TMEM11: variants seen among roughly 807,000 people sequenced by gnomAD.
TMEM11 encodes transmembrane protein 11.
In TMEM11, 1 loss-of-function variant was observed where a neutral mutation model predicts 17.0. That is an observed-to-expected ratio of 0.06 (90% CI 0.02 to 0.28). The LOEUF is 0.28. Among genes scored for constraint, TMEM11 ranks in the 10% least tolerant of loss-of-function variants. TMEM11 has a pLI of 1.00. For missense variants in TMEM11, 172 were observed against 252.9 expected, an observed-to-expected ratio of 0.68 and a Z score of 2.17; for synonymous variants, 122 against 118.1, an observed-to-expected ratio of 1.03 and a Z score of -0.21.
chr17:21,199,102 T>C (rs997351246), intron 1 of TMEM11, among the ~76,000 whole-genome samples: 2 of 151,836 alleles, frequency 1.3e-5, no homozygotes, highest in Admixed American at 6.6e-5. Flanking sequence ...GGGCGGATCA[T>C]GAGGTCAGGA....
At chr17:21,203,049 A>G (rs141868886) in intron 1 of TMEM11, among the ~76,000 whole-genome samples, 3 of 152,356 alleles carry the variant, frequency 2.0e-5, no homozygotes, top group Non-Finnish European at 4.4e-5. Flanking sequence ...GGTCCTGCAC[A>G]ACGGCGCTGA....
chr17:21,201,389 G>A (rs542942147), intron 1 of TMEM11, among the ~76,000 whole-genome samples: 1 of 152,360 alleles, frequency 6.6e-6, no homozygotes, highest in Non-Finnish European at 1.5e-5. Flanking sequence ...TCAGTGCCCT[G>A]AGGGTGGGAC....
At chr17:21,205,795 T>C (rs922449569) in intron 1 of TMEM11, among the ~76,000 whole-genome samples, 1 of 151,936 alleles carries the variant, frequency 6.6e-6, no homozygotes, top group African/African-American at 2.4e-5. Flanking sequence ...AGTTGGATCA[T>C]ATATAGTATA....
chr17:21,199,474 C>T (rs567737505), intron 1 of TMEM11, among the ~76,000 whole-genome samples: 3 of 152,206 alleles, frequency 2.0e-5, no homozygotes, highest in East Asian at 1.9e-4. Context: ...AAGAACGATT[C>T]GGCACAGAAT....
chr17:21,204,439 A>T (rs1272332673), intron 1 of TMEM11, among the ~76,000 whole-genome samples: 1 of 74,904 alleles, frequency 1.3e-5, no homozygotes, highest in African/African-American at 4.1e-5. Context: ...TCTCAATAAA[A>T]AAAAAAAAAA....
At chr17:21,212,141 G>A (rs1204008626) in intron 1 of TMEM11, among the ~76,000 whole-genome samples, 2 of 152,180 alleles carry the variant, frequency 1.3e-5, no homozygotes, top group Non-Finnish European at 2.9e-5. Context: ...CTGGCTAGGG[G>A]TTTACAGCAA....
chr17:21,212,800 A>T (rs1209853175), intron 1 of TMEM11, among the ~76,000 whole-genome samples: 1 of 152,210 alleles, frequency 6.6e-6, no homozygotes, highest in Non-Finnish European at 1.5e-5. Flanking sequence ...TGCATTGAAT[A>T]TCTTGAAAAT....
At chr17:21,211,391 G>A (rs938914954) in intron 1 of TMEM11, among the ~76,000 whole-genome samples, 7 of 152,230 alleles carry the variant, frequency 4.6e-5, no homozygotes, top group Non-Finnish European at 1.0e-4. Context: ...CCACAGGCCG[G>A]AAGTGGCTAT....
At chr17:21,205,459 G>A (rs1332374169) in intron 1 of TMEM11, among the ~76,000 whole-genome samples, 1 of 152,178 alleles carries the variant, frequency 6.6e-6, no homozygotes, top group Admixed American at 6.5e-5. Flanking sequence ...TCCGCTGCAG[G>A]AGGAGGCAGG....
chr17:21,209,732 G>GT (rs1567637361), intron 1 of TMEM11, among the ~76,000 whole-genome samples: 1 of 152,182 alleles, frequency 6.6e-6, no homozygotes, highest in Admixed American at 6.5e-5. Context: ...TCATACCACT[G>GT]CACTCCAGCC....
chr17:21,210,842 C>A lies in TMEM11; in HGVS notation c.62+3249G>T, dbSNP rs1053417239. On this transcript the variant is annotated intron_variant, in intron 1 of 1. Coordinates refer to ENST00000317635, the MANE Select transcript of TMEM11 (RefSeq NM_003876.3). ...CCCCGTGCATCTGGCCCTCTGCACA[C>A]CCCAGGTTGCCTCATATCATGCTCA... The A allele has an allele frequency of 1.8e-5, 21 of 1,174,792 alleles. No individual in the cohort carries two copies. In the African/African-American group the frequency reaches 3.0e-4, roughly 17 times the overall value. The allele number at this position is 1,174,792 out of a possible 1,614,324, so 72.8% of individuals were successfully genotyped here. A position where few individuals can be genotyped will look rare whatever the true frequency, so the allele number is the denominator to read the frequency against.
chr17:21,202,639 T>C (rs921226891), intron 1 of TMEM11, among the ~76,000 whole-genome samples: 5 of 148,470 alleles, frequency 3.4e-5, no homozygotes, highest in Admixed American at 3.3e-4. Flanking sequence ...CATCGCTTGC[T>C]GGGACGGATG....
At chr17:21,209,428 T>C (rs1974978710) in intron 1 of TMEM11, among the ~76,000 whole-genome samples, 1 of 152,118 alleles carries the variant, frequency 6.6e-6, no homozygotes. Context: ...CTAAGACACA[T>C]GTGGCTGTTG....
chr17:21,211,130 C>T (rs1200516985), intron 1 of TMEM11: 1 of 1,289,736 alleles, frequency 7.8e-7, no homozygotes, highest in Non-Finnish European at 1.0e-6. Context: ...AAGTGGCAAT[C>T]TGTTTGATGT....
chr17:21,202,481 CAG>C lies in TMEM11; in HGVS notation c.63-3643_63-3642del, dbSNP rs1195289867. On this transcript the variant is annotated intron_variant, in intron 1 of 1. Transcript: ENST00000317635. Reference sequence around the variant, plus strand: ...GTAGTGAAAACCACTGTTGGTCCCACAGAGGAAATTCCAGTGGAAACCCCGGT... The same window carrying C: ...GTAGTGAAAACCACTGTTGGTCCCACAGGAAATTCCAGTGGAAACCCCGGT... 5.3e-5 allele frequency among the ~76,000 whole-genome samples: 8 copies of C among 152,334 alleles called. No homozygotes were observed. In the South Asian group the frequency reaches 1.2e-3, roughly 24 times the overall value.
intron 1 of TMEM11, among the ~76,000 whole-genome samples, chr17:21,202,324 G>C (rs1036307381): frequency 6.6e-6 from 1 of 152,190 alleles, no homozygotes; most frequent in Non-Finnish European, 1.5e-5. Flanking sequence ...ACCAGAGGCG[G>C]GCTTCCTCCC....
intron 1 of TMEM11, among the ~76,000 whole-genome samples, chr17:21,199,112 A>C (rs1028784694): frequency 6.6e-6 from 1 of 151,870 alleles, no homozygotes. Flanking sequence ...TGAGGTCAGG[A>C]GTTAGAGACC....
At chr17:21,205,236 G>A (rs1211865569) in intron 1 of TMEM11, among the ~76,000 whole-genome samples, 1 of 152,168 alleles carries the variant, frequency 6.6e-6, no homozygotes, top group Admixed American at 6.6e-5. Context: ...GCACAAGAAG[G>A]TTCAGAGCAG....
At chr17:21,214,000 G>T in intron 1 of TMEM11, 91 bp downstream of exon 1, 1 of 1,244,428 alleles carries the variant, frequency 8.0e-7, no homozygotes, top group Non-Finnish European at 1.1e-6. Context: ...GGAAACCAGG[G>T]AAGGAAGGCT....
Sources: gnomAD v4.1 joint callset for allele counts (sites outside exome capture counted in the v4.1 genomes callset) on GRCh38, gnomAD v4.1.1 for gene constraint, MANE v1.5 for transcripts, NCBI Gene and HGNC (gene_info 2026-07-23, HGNC 2026-07-21) for gene names.